SYNE1: variants seen among roughly 807,000 people sequenced by gnomAD.
SYNE1 encodes the protein spectrin repeat containing nuclear envelope protein 1.
In SYNE1, 616 loss-of-function variants were observed where a neutral mutation model predicts 1,111.0. That is an observed-to-expected ratio of 0.55 (90% CI 0.52 to 0.59). The LOEUF (loss-of-function observed/expected upper bound fraction) is 0.59, where lower values mean the gene tolerates loss of function less well. Ranked by LOEUF, SYNE1 falls within the 20% of genes least tolerant of loss-of-function variation. SYNE1 has a pLI of 0.00. For missense variants in SYNE1, 10,006 were observed against 10,417.0 expected, an observed-to-expected ratio of 0.96 and a Z score of 1.72; for synonymous variants, 3,855 against 3,825.8, an observed-to-expected ratio of 1.01 and a Z score of -0.28.
chr6:152,179,227 A>G (rs953364004), intron 129 of SYNE1: 1 of 152,090 alleles, frequency 6.6e-6, no homozygotes, highest in African/African-American at 2.4e-5. Flanking sequence ...ATCATCAAAA[A>G]TTTTAAAATG....
At chr6:152,224,735 G>A in intron 116 of SYNE1, 71 bp from the exon 117 acceptor site, 2 of 1,453,314 alleles carry the variant, frequency 1.4e-6, no homozygotes, top group Non-Finnish European at 9.6e-7. Flanking sequence ...TTCAATTGAT[G>A]GGAAAATATT....
intron 108 of SYNE1, among the ~76,000 whole-genome samples, chr6:152,237,158 T>C (rs1405946511): frequency 6.6e-6 from 1 of 152,160 alleles, no homozygotes; most frequent in African/African-American, 2.4e-5. Flanking sequence ...CTCTGGAATC[T>C]GCCACTAAGC....
chr6:152,614,196 G>C (rs1029401264), intron 3 of SYNE1, among the ~76,000 whole-genome samples: 1 of 152,128 alleles, frequency 6.6e-6, no homozygotes, highest in Non-Finnish European at 1.5e-5. Context: ...AGAGTGAACA[G>C]GCAACCTACA....
intron 6 of SYNE1, among the ~76,000 whole-genome samples, chr6:152,512,261 A>C (rs893345297): frequency 1.3e-5 from 2 of 152,204 alleles, no homozygotes; most frequent in Admixed American, 1.3e-4. Context: ...AAGTTCATTC[A>C]TCAGGTTCAA....
At chr6:152,314,343 C>T (rs1315532902) in intron 87 of SYNE1, among the ~76,000 whole-genome samples, 1 of 152,198 alleles carries the variant, frequency 6.6e-6, no homozygotes, top group Non-Finnish European at 1.5e-5. Context: ...ACATTTACTG[C>T]TAGGATTTCA....
At chr6:152,296,614 A>G (rs1001207279) in intron 93 of SYNE1, among the ~76,000 whole-genome samples, 22 of 152,176 alleles carry the variant, frequency 1.4e-4, no homozygotes, top group Non-Finnish European at 2.8e-4. Flanking sequence ...TCCTAACTCA[A>G]AGGTTGCAAA....
rs746220387 is a variant in SYNE1 at position 152,293,985 on chromosome 6, C to T, written c.17825G>A (p.Arg5942His). ...CACATTCTTTAAGGTTTCCCAAGAACGCTGCAAATCACCCAGTTTGGCAGT... is the reference window on the plus strand; with the variant it reads ...CACATTCTTTAAGGTTTCCCAAGAATGCTGCAAATCACCCAGTTTGGCAGT... ...SATAKLGDLQ[R>H]SWETLKNVIS... is the part of the protein sequence containing the mutation. Residue 5942 changes from arginine (R) to histidine (H), a missense_variant, in exon 94 of 146, where the codon CGT (arginine) becomes CAT (histidine). Arg to His is a conservative substitution (Grantham distance 29). Coordinates refer to ENST00000367255, the MANE Select transcript of SYNE1 (RefSeq NM_182961.4). 56 of 1,613,998 alleles carry T rather than the reference C, an allele frequency of 3.5e-5. 1 individual carries two copies. The highest frequency in any genetic ancestry group is 2.5e-4 in the South Asian group (23 of 91,076).
rs533430284 is a variant in SYNE1 at position 152,287,910 on chromosome 6, G to A, written c.18013-3738C>T. 3.9e-5 allele frequency among the ~76,000 whole-genome samples: 6 copies of A among 152,270 alleles called. No homozygotes were observed. In the East Asian group the frequency reaches 5.8e-4, roughly 15 times the overall value. On this transcript the variant is annotated intron_variant, in intron 95 of 145. Transcript: ENST00000367255. ...AAAAACTTGCTGCAATTTTTAAAAC[G>A]TGATTGCAATGAATTTACAGACTGA...
chr6:152,297,824 C>T (rs606471), intron 93 of SYNE1, among the ~76,000 whole-genome samples: 13,327 of 43,608 alleles, frequency 0.31, 728 homozygotes, highest in South Asian at 0.37. Context: ...TGTGTGTGTG[C>T]GCGCGCACGT....
intron 91 of SYNE1, among the ~76,000 whole-genome samples, chr6:152,305,574 T>C (rs1357227055): frequency 1.3e-5 from 2 of 152,204 alleles, no homozygotes; most frequent in Non-Finnish European, 2.9e-5. Context: ...GAAAAATTAT[T>C]TTTAAAAGTT....
rs953397713 is a variant in SYNE1, at chr6:152,572,437, T to C, written c.68-32416A>G. ...TGTAAAAGTGCTCATTTCCTATGAC[T>C]TATGGGAGAAATTGTTTGGATTGGA... On this transcript the variant is annotated intron_variant, in intron 3 of 145. Coordinates refer to ENST00000367255, the MANE Select transcript of SYNE1 (RefSeq NM_182961.4). Among the ~76,000 whole-genome samples, 6 of 152,298 alleles carry C rather than the reference T, an allele frequency of 3.9e-5. No individual in the cohort carries two copies. The East Asian group carries it at 9.7e-4, about 25-fold the overall frequency.
chr6:152,247,750 T>TATACACACACACACAC (rs1432898834), intron 105 of SYNE1, among the ~76,000 whole-genome samples: 2 of 112,376 alleles, frequency 1.8e-5, no homozygotes, highest in Non-Finnish European at 3.4e-5. Flanking sequence ...TATATATATA[T>TATACACACACACACAC]ACACACACAC....
In SYNE1 at chr6:152,461,698, T is replaced by C. The variant is rs1212328901; in HGVS notation, c.2293A>G (p.Ile765Val). The C allele has an allele frequency of 6.2e-7, 1 of 1,614,034 alleles. No individual in the cohort carries two copies. The highest frequency in any genetic ancestry group is 1.1e-5 in the South Asian group (1 of 91,084). Residue 765 changes from isoleucine to valine, a missense_variant, in exon 21 of 146, where the codon ATA becomes GTA. By Grantham distance (29) the Ile-to-Val change is conservative. Coordinates refer to ENST00000367255, the MANE Select transcript of SYNE1 (RefSeq NM_182961.4). ...RVPVMDAQYKIITKTAHLITK... is the reference protein window; with the variant it reads ...RVPVMDAQYKVITKTAHLITK... ...ATGAGGTGTGCTGTCTTTGTAATTATCTTGTATTGGGCATCCATCACAGGC... is the reference window on the plus strand; with the variant it reads ...ATGAGGTGTGCTGTCTTTGTAATTACCTTGTATTGGGCATCCATCACAGGC...
chr6:152,577,237 T>C (rs2128374595), intron 3 of SYNE1, among the ~76,000 whole-genome samples: 1 of 152,344 alleles, frequency 6.6e-6, no homozygotes, highest in East Asian at 1.9e-4. Context: ...TGCATGGTTT[T>C]AGGCAGAAAT....
chr6:152,173,998 C>T (rs1170704916), intron 130 of SYNE1, among the ~76,000 whole-genome samples: 1 of 152,166 alleles, frequency 6.6e-6, no homozygotes, highest in Non-Finnish European at 1.5e-5. Context: ...AACTCATTTG[C>T]TGTAATATTG....
In SYNE1 at chr6:152,246,005, G is replaced by A. The variant is rs147426245; in HGVS notation, c.19573-1349C>T. The stretch of plus-strand genomic sequence containing the variant: ...GGGCCCCTGAGTCTTCTCTCCCTGG[G>A]GCAAGAAGTGCTGCAGTCAGGGCTC... On this transcript the variant is annotated intron_variant, in intron 105 of 145. Transcript: ENST00000367255. Among the ~76,000 whole-genome samples the A allele has an allele frequency of 6.5e-3, 983 of 152,222 alleles. 8 individuals carry two copies. The highest frequency in any genetic ancestry group is 0.022 in the African/African-American group (921 of 41,528).
At chr6:152,568,689 G>T (rs1462812812) in intron 3 of SYNE1, among the ~76,000 whole-genome samples, 2 of 151,972 alleles carry the variant, frequency 1.3e-5, no homozygotes, top group Non-Finnish European at 2.9e-5. Flanking sequence ...GCACACTGCA[G>T]CCTCCAACTC....
intron 4 of SYNE1, among the ~76,000 whole-genome samples, chr6:152,530,376 A>G (rs576609249): frequency 2.5e-4 from 38 of 152,162 alleles, no homozygotes; most frequent in Admixed American, 6.5e-4. Context: ...TTTAAATATC[A>G]GTGTCTCCCC....
At chr6:152,470,516 A>C (rs1409528491) in intron 16 of SYNE1, among the ~76,000 whole-genome samples, 1 of 152,200 alleles carries the variant, frequency 6.6e-6, no homozygotes, top group East Asian at 1.9e-4. Flanking sequence ...ATTTTGGAAC[A>C]AATGTTTCCT....
Sources: allele counts gnomAD v4.1 joint callset (sites outside exome capture counted in the v4.1 genomes callset), GRCh38; gene constraint gnomAD v4.1.1; transcripts MANE v1.5; gene names NCBI Gene and HGNC (gene_info 2026-07-23, HGNC 2026-07-21).